The following CAMTA1 variants were observed in gnomAD, a reference collection of about 807,000 sequenced individuals.
CAMTA1 encodes the protein calmodulin binding transcription activator 1, also known as calmodulin-binding transcription activator 1.
A neutral mutation model predicts 170.9 loss-of-function variants in CAMTA1; 27 were observed. That is an observed-to-expected ratio of 0.16 (90% CI 0.12 to 0.22). The LOEUF (loss-of-function observed/expected upper bound fraction) is 0.22. CAMTA1 is among the 10% of genes least tolerant of loss of function. The pLI is 1.00. For missense variants in CAMTA1, 1,619 were observed against 2,217.2 expected, an observed-to-expected ratio of 0.73 and a Z score of 5.42; for synonymous variants, 833 against 891.5, an observed-to-expected ratio of 0.93 and a Z score of 1.17.
chr1:7,292,914 G>A (rs2071924), intron 5 of CAMTA1, among the ~76,000 whole-genome samples: 41,859 of 151,994 alleles, frequency 0.28, 6,599 homozygotes, highest in Admixed American at 0.38. Flanking sequence ...TTCCTACAGA[G>A]CACTAGGCCA....
At position 7,665,799 on chromosome 1, in the gene CAMTA1, T is replaced by C. The variant is rs2095996275; in HGVS notation, c.2652+600T>C. The stretch of plus-strand genomic sequence containing the variant: ...CAGAGTCGTCTGCCGTTTCTCAATT[T>C]ATGTGTTGAGTCCATCTATGTTTTG... On this transcript the variant is annotated intron_variant, in intron 9 of 22. Transcript: ENST00000303635. This position sits in a 1 kb window ranked among gnomAD's most constrained non-coding sequence, Gnocchi z 4.3. Among the ~76,000 whole-genome samples the C allele has an allele frequency of 6.6e-6, 1 of 152,122 alleles. No individual in the cohort carries two copies. The highest frequency in any genetic ancestry group is 2.4e-5 in the African/African-American group (1 of 41,414).
intron 6 of CAMTA1, among the ~76,000 whole-genome samples, chr1:7,542,939 A>T (rs1387433248): frequency 2.7e-5 from 4 of 149,502 alleles, no homozygotes; most frequent in Non-Finnish European, 5.9e-5. Context: ...ATCTCGGCTC[A>T]CTGCAAGCTC....
chr1:7,678,699 G>A (rs2096150999), intron 11 of CAMTA1, among the ~76,000 whole-genome samples: 1 of 152,200 alleles, frequency 6.6e-6, no homozygotes, highest in Non-Finnish European at 1.5e-5. Context: ...AGCCCACAGA[G>A]GTGACACTCC....
intron 3 of CAMTA1, among the ~76,000 whole-genome samples, chr1:7,006,198 T>C (rs56172705): frequency 0.011 from 1,740 of 152,334 alleles, 16 homozygotes; most frequent in Middle Eastern, 0.027. Flanking sequence ...CCCTGGGCAA[T>C]GGGATATCTT....
chr1:7,742,303 A>AGACATATCTTGATCT (rs1213841027), intron 16 of CAMTA1, among the ~76,000 whole-genome samples: 1 of 152,106 alleles, frequency 6.6e-6, no homozygotes, highest in African/African-American at 2.4e-5. Context: ...CAGATCAAGT[A>AGACATATCTTGATCT]GATATGAAAA....
At chr1:7,143,434 A>C (rs1646001372) in intron 4 of CAMTA1, among the ~76,000 whole-genome samples, 1 of 152,226 alleles carries the variant, frequency 6.6e-6, no homozygotes, top group African/African-American at 2.4e-5. Context: ...AACCAAAATT[A>C]ATGACATTTT....
intron 3 of CAMTA1, among the ~76,000 whole-genome samples, chr1:7,060,359 C>T (rs886236443): frequency 6.6e-6 from 1 of 152,246 alleles, no homozygotes; most frequent in Non-Finnish European, 1.5e-5. Context: ...TGATGTCTCT[C>T]TGTGTCCTCA....
rs1474663858 is a variant in CAMTA1, at chr1:7,547,308, C to G, written c.510+79407C>G. 1.3e-5 allele frequency among the ~76,000 whole-genome samples: 2 copies of G among 151,722 alleles called. No individual in the cohort carries two copies. The highest frequency in any genetic ancestry group is 2.9e-5 in the Non-Finnish European group (2 of 67,996). ...CTGAGTATGCTCACTGCTCCCAGGC[C>G]TCTCTCAGTAGATAGAGCTGGGGAA... On this transcript the variant is annotated intron_variant, in intron 6 of 22. Transcript: ENST00000303635. This position sits in a 1 kb window ranked among gnomAD's most constrained non-coding sequence, Gnocchi z 5.7.
intron 21 of CAMTA1, among the ~76,000 whole-genome samples, chr1:7,755,326 C>CAAA (rs70987373): frequency 2.4e-4 from 15 of 61,952 alleles, no homozygotes; most frequent in East Asian, 1.5e-3. Context: ...GACTCCGTCT[C>CAAA]AAAAAAAAAA....
At chr1:7,351,519 C>T (rs2084672583) in intron 5 of CAMTA1, among the ~76,000 whole-genome samples, 1 of 152,224 alleles carries the variant, frequency 6.6e-6, no homozygotes, top group Admixed American at 6.5e-5. Flanking sequence ...GGTCGGGGGA[C>T]CTCTGCCCAG....
At chr1:7,327,426 G>GA (rs2082758252) in intron 5 of CAMTA1, among the ~76,000 whole-genome samples, 1 of 130,480 alleles carries the variant, frequency 7.7e-6, no homozygotes, top group African/African-American at 3.0e-5. Flanking sequence ...AAAAAAAAAA[G>GA]AAAAAAGACC....
intron 3 of CAMTA1, among the ~76,000 whole-genome samples, chr1:6,994,771 G>A (rs1394773485): frequency 6.6e-6 from 1 of 151,886 alleles, no homozygotes; most frequent in South Asian, 2.1e-4. Context: ...AGGCTCAAAC[G>A]ATCCTCTCCC....
intron 5 of CAMTA1, among the ~76,000 whole-genome samples, chr1:7,466,645 C>T (rs1025483487): frequency 1.2e-4 from 19 of 152,188 alleles, no homozygotes; most frequent in Non-Finnish European, 1.8e-4. Flanking sequence ...TGGGGGAGGC[C>T]TTTTCCCACC....
chr1:7,436,715 G>T (rs1478074288), intron 5 of CAMTA1, among the ~76,000 whole-genome samples: 1 of 152,156 alleles, frequency 6.6e-6, no homozygotes, highest in African/African-American at 2.4e-5. Context: ...TTACTTCCAG[G>T]GTCATTTTGT....
intron 9 of CAMTA1, among the ~76,000 whole-genome samples, chr1:7,666,782 C>A (rs1157934174): frequency 2.6e-5 from 4 of 152,248 alleles, no homozygotes; most frequent in Non-Finnish European, 5.9e-5. Flanking sequence ...CCCAGCTCTC[C>A]CATCCCCGAT....
At chr1:7,500,930 T>C (rs2093995537) in intron 6 of CAMTA1, among the ~76,000 whole-genome samples, 1 of 150,970 alleles carries the variant, frequency 6.6e-6, no homozygotes, top group Admixed American at 6.6e-5. Context: ...GCAAGAGGGG[T>C]CCCAGGCAGA....
At chr1:7,403,978 C>G (rs2090108719) in intron 5 of CAMTA1, among the ~76,000 whole-genome samples, 1 of 152,204 alleles carries the variant, frequency 6.6e-6, no homozygotes. Flanking sequence ...CTAGAGTGCT[C>G]CTGGAGAGCA....
intron 6 of CAMTA1, among the ~76,000 whole-genome samples, chr1:7,590,337 G>A (rs1465744812): frequency 6.6e-6 from 1 of 152,218 alleles, no homozygotes; most frequent in Non-Finnish European, 1.5e-5. Context: ...GGCAGATAGA[G>A]CAGCACATTC....
chr1:7,386,300 C>T (rs2149098180), intron 5 of CAMTA1, among the ~76,000 whole-genome samples: 1 of 152,332 alleles, frequency 6.6e-6, no homozygotes, highest in African/African-American at 2.4e-5. Flanking sequence ...CCCCGTGATG[C>T]CCTGACTCAT....
Sources: gnomAD v4.1 joint callset for allele counts (sites outside exome capture counted in the v4.1 genomes callset) on GRCh38, gnomAD v4.1.1 for gene constraint, Gnocchi (gnomAD v3.1) non-coding constraint, MANE v1.5 for transcripts, NCBI Gene and HGNC (gene_info 2026-07-23, HGNC 2026-07-21) for gene names.